Variants in MACO1 observed in about 807,000 individuals in gnomAD.
The protein encoded by MACO1 is macoilin 1, also known as macoilin.
Under a neutral mutation model 78.7 loss-of-function variants are expected in MACO1, and 14 were observed. The ratio of observed to expected loss-of-function variants is 0.18; its 90% CI spans 0.12 to 0.28. MACO1 has a LOEUF of 0.28. Ranked by LOEUF, MACO1 falls within the 10% of genes least tolerant of loss-of-function variation. The probability of loss-of-function intolerance (pLI) is 1.00; values close to 1 mark genes in which losing one functional copy is unlikely to be tolerated. For missense variants in MACO1, 501 were observed against 799.0 expected, an observed-to-expected ratio of 0.63 and a Z score of 4.50; for synonymous variants, 288 against 291.6, an observed-to-expected ratio of 0.99 and a Z score of 0.12.
At chr1:25,495,734 T>C (rs35199321) in intron 10 of MACO1, among the ~76,000 whole-genome samples, 76,297 of 151,996 alleles carry the variant, frequency 0.5, 19,496 homozygotes, top group East Asian at 0.73. Flanking sequence ...GAGGCCAAGG[T>C]GGGCGGATCA....
intron 6 of MACO1, among the ~76,000 whole-genome samples, chr1:25,467,094 G>C (rs541926713): frequency 2.6e-5 from 4 of 151,998 alleles, no homozygotes; most frequent in African/African-American, 9.6e-5. Flanking sequence ...CCTTGTCTCT[G>C]CTAAAAATAC....
chr1:25,452,620 A>G (rs1030441001), intron 3 of MACO1, among the ~76,000 whole-genome samples: 4 of 151,958 alleles, frequency 2.6e-5, no homozygotes, highest in African/African-American at 9.7e-5. Flanking sequence ...CATTATATAG[A>G]TTTATCATAA....
Position 25,487,755 on chromosome 1 carries a change from G to A in MACO1, c.1497-1418G>A, listed in dbSNP as rs150457372. Among the ~76,000 whole-genome samples, 563 of 152,110 alleles carry A rather than the reference G, an allele frequency of 3.7e-3. 1 individual carries two copies. The highest frequency in any genetic ancestry group is 0.013 in the African/African-American group (535 of 41,482). ...GGGGAAAATTTTTTTCTAGTTCACC[G>A]CCCCCTGCTGGACATAGTACATGTT... On this transcript the variant is annotated intron_variant, in intron 8 of 10. Transcript: ENST00000374343.
intron 6 of MACO1, among the ~76,000 whole-genome samples, chr1:25,477,106 A>G (rs768969432): frequency 2.0e-5 from 3 of 152,234 alleles, no homozygotes; most frequent in Non-Finnish European, 4.4e-5. Flanking sequence ...CAGCAGCAAC[A>G]AAAAGAAGCC....
intron 10 of MACO1, among the ~76,000 whole-genome samples, chr1:25,495,914 A>G (rs561978599): frequency 5.9e-4 from 90 of 152,212 alleles, no homozygotes; most frequent in Non-Finnish European, 1.1e-3. Context: ...GTGAGTAGCA[A>G]TCACGCCACT....
At chr1:25,461,824 A>G (rs1055031772) in intron 6 of MACO1, among the ~76,000 whole-genome samples, 1 of 152,232 alleles carries the variant, frequency 6.6e-6, no homozygotes, top group Non-Finnish European at 1.5e-5. Flanking sequence ...AATTGTTAAC[A>G]ATAGTTGTTA....
rs34823920 is a variant in MACO1, at chr1:25,489,114, C to T, written c.1497-59C>T. The T allele has an allele frequency of 0.014, 22,560 of 1,561,508 alleles. 2,535 individuals carry two copies. In the African/African-American group the frequency reaches 0.26, roughly 18 times the overall value. ...GGGATTACAGGCCTGAGTCACAGGG[C>T]CCAGCCCCAACCTATAGTCTTTTAA... On this transcript the variant is annotated intron_variant, in intron 8 of 10. Transcript: ENST00000374343.
At chr1:25,454,702 G>A (rs2043104670) in intron 4 of MACO1, among the ~76,000 whole-genome samples, 3 of 151,294 alleles carry the variant, frequency 2.0e-5, no homozygotes, top group South Asian at 4.2e-4. Flanking sequence ...GACTGGTCTC[G>A]AACTCCTGAC....
intron 1 of MACO1, among the ~76,000 whole-genome samples, chr1:25,439,582 C>G (rs1363774431): frequency 6.6e-6 from 1 of 151,944 alleles, no homozygotes; most frequent in Non-Finnish European, 1.5e-5. Context: ...AGCCTGCTCC[C>G]CTTTTTTGGA....
intron 8 of MACO1, among the ~76,000 whole-genome samples, chr1:25,487,172 G>A (rs1398587603): frequency 6.6e-6 from 1 of 151,556 alleles, no homozygotes; most frequent in African/African-American, 2.4e-5. Context: ...CCTTCTTTTT[G>A]AGACGGAGTC....
chr1:25,438,425 G>A (rs2042938547), intron 1 of MACO1, among the ~76,000 whole-genome samples: 1 of 152,222 alleles, frequency 6.6e-6, no homozygotes, highest in Non-Finnish European at 1.5e-5. Context: ...CCTCACAAGT[G>A]TGAAATAGGC....
chr1:25,458,876 C>A lies in MACO1; in HGVS notation c.1138C>A (p.Pro380Thr). The A allele has an allele frequency of 6.2e-7, 1 of 1,613,266 alleles. No individual in the cohort carries two copies. Among genetic ancestry groups the A allele is most frequent in the Non-Finnish European group, 8.5e-7 (1 of 1,179,484 alleles). The change falls in exon 6 of 11, where the codon CCA becomes ACA. Residue 380 changes from proline to threonine, a missense_variant. This residue lies in a region of MACO1 where 163 missense variants were observed against 271.9 expected (regional missense o/e 0.60). Transcript: ENST00000374343. ...NCIPNNQLSK[P>T]DALVRLEQDI... ...TATTCCTAATAACCAGCTAAGCAAA[C>A]CAGACGCACTGGTCAGGTAAGTGCA...
At chr1:25,480,930 ATATATATAT>A (rs1219373959) in intron 6 of MACO1, among the ~76,000 whole-genome samples, 16 of 75,270 alleles carry the variant, frequency 2.1e-4, no homozygotes, top group African/African-American at 6.1e-4. Context: ...AAAAAAAAAA[ATATATATAT>A]ATATATATAT....
chr1:25,475,898 T>C (rs557351473), intron 6 of MACO1, among the ~76,000 whole-genome samples: 1 of 152,232 alleles, frequency 6.6e-6, no homozygotes, highest in Admixed American at 6.5e-5. Flanking sequence ...ATGAGCATTC[T>C]TCCATGTCAT....
intron 1 of MACO1, among the ~76,000 whole-genome samples, chr1:25,436,387 A>G (rs944540144): frequency 8.5e-5 from 13 of 152,158 alleles, no homozygotes; most frequent in African/African-American, 3.1e-4. Flanking sequence ...TTTCACAAAC[A>G]TAGTTAAGTG....
chr1:25,452,328 A>G (rs1355299828), intron 3 of MACO1, among the ~76,000 whole-genome samples: 1 of 152,206 alleles, frequency 6.6e-6, no homozygotes, highest in Non-Finnish European at 1.5e-5. Flanking sequence ...ATGTCCTGAT[A>G]TAGATGGACC....
At chr1:25,457,807 A>C (rs2043134233) in intron 5 of MACO1, among the ~76,000 whole-genome samples, 2 of 152,188 alleles carry the variant, frequency 1.3e-5, no homozygotes, top group African/African-American at 4.8e-5. Flanking sequence ...AGACCTTAAT[A>C]AATTGGAATG....
At chr1:25,438,943 A>G (rs79659980) in intron 1 of MACO1, among the ~76,000 whole-genome samples, 2,002 of 152,178 alleles carry the variant, frequency 0.013, 44 homozygotes, top group African/African-American at 0.046. Flanking sequence ...AGAAGTGGAC[A>G]TGTCAAACAG....
At chr1:25,443,805 CTCTT>C (rs1296063035) in intron 1 of MACO1, among the ~76,000 whole-genome samples, 2 of 152,182 alleles carry the variant, frequency 1.3e-5, no homozygotes, top group African/African-American at 2.4e-5. Flanking sequence ...ATTGGTGGTA[CTCTT>C]TCTTCTCCAC....
Sources: gnomAD v4.1 joint callset for allele counts (sites outside exome capture counted in the v4.1 genomes callset) on GRCh38, gnomAD v4.1.1 for gene constraint, gnomAD v4.1.1 regional missense constraint, MANE v1.5 for transcripts, NCBI Gene and HGNC (gene_info 2026-07-23, HGNC 2026-07-21) for gene names.